Variants in KALRN observed in about 807,000 individuals in gnomAD.
KALRN encodes kalirin.
In KALRN, 70 loss-of-function variants were observed where a neutral mutation model predicts 353.7. The observed-to-expected ratio is 0.20, with a 90% CI of 0.16 to 0.24. The LOEUF (loss-of-function observed/expected upper bound fraction) is 0.24, where lower values mean the gene tolerates loss of function less well. Among genes scored for constraint, KALRN ranks in the 10% least tolerant of loss-of-function variants. The pLI, the probability that KALRN is intolerant of heterozygous loss-of-function variation, is 1.00. For missense variants in KALRN, 2,791 were observed against 3,756.7 expected, an observed-to-expected ratio of 0.74 and a Z score of 6.72; for synonymous variants, 1,391 against 1,434.8, an observed-to-expected ratio of 0.97 and a Z score of 0.69.
chr3:124,325,302 A>G (rs1405362112), intron 6 of KALRN, among the ~76,000 whole-genome samples: 1 of 152,114 alleles, frequency 6.6e-6, no homozygotes, highest in Non-Finnish European at 1.5e-5. Flanking sequence ...AATCTTCCTA[A>G]ATCAAGCAGA....
intron 36 of KALRN, 182 bp from the exon 37 acceptor site, chr3:124,637,026 G>C: frequency 1.7e-6 from 1 of 595,820 alleles, no homozygotes; most frequent in Non-Finnish European, 3.0e-6. Flanking sequence ...TTCCTAATAA[G>C]GGGTTGGGCA....
At chr3:124,666,343 C>A in intron 45 of KALRN, 106 bp from the exon 46 acceptor site, 1 of 1,034,048 alleles carries the variant, frequency 9.7e-7, no homozygotes, top group Non-Finnish European at 1.4e-6. Flanking sequence ...CTTTTGTTGT[C>A]AAATCTGTTG....
At chr3:124,494,577 G>A (rs970189210) in intron 32 of KALRN, among the ~76,000 whole-genome samples, 11 of 152,216 alleles carry the variant, frequency 7.2e-5, no homozygotes, top group Non-Finnish European at 4.4e-5. Flanking sequence ...TCCTATGAAT[G>A]TGTGGCTTAT....
chr3:124,629,030 G>A (rs1007221757), intron 34 of KALRN, among the ~76,000 whole-genome samples: 1 of 152,106 alleles, frequency 6.6e-6, no homozygotes, highest in South Asian at 2.1e-4. Flanking sequence ...TCTTCGAGTA[G>A]GTATGAAAAG....
At chr3:124,618,158 G>C (rs901013264) in intron 34 of KALRN, among the ~76,000 whole-genome samples, 8 of 128,918 alleles carry the variant, frequency 6.2e-5, no homozygotes, top group African/African-American at 2.4e-4. Flanking sequence ...TCCCAGGCTG[G>C]AGTGCAGCGG....
intron 25 of KALRN, among the ~76,000 whole-genome samples, chr3:124,469,047 C>A (rs2060628399): frequency 6.6e-6 from 1 of 152,218 alleles, no homozygotes. Flanking sequence ...TGCTAAACAC[C>A]ACCTTATTGG....
chr3:124,036,814 A>G (rs1577432395), intron 1 of KALRN, among the ~76,000 whole-genome samples: 1 of 152,172 alleles, frequency 6.6e-6, no homozygotes, highest in Non-Finnish European at 1.5e-5. Context: ...GCATGTTTCA[A>G]ATTATTCTGT....
At chr3:124,626,568 T>C (rs950816297) in intron 34 of KALRN, among the ~76,000 whole-genome samples, 1 of 152,208 alleles carries the variant, frequency 6.6e-6, no homozygotes, top group Non-Finnish European at 1.5e-5. Context: ...TTATTTGCAG[T>C]GTCCAGGGAT....
At chr3:124,622,238 T>G (rs1485324371) in intron 34 of KALRN, among the ~76,000 whole-genome samples, 2 of 152,176 alleles carry the variant, frequency 1.3e-5, no homozygotes, top group Non-Finnish European at 2.9e-5. Flanking sequence ...TAGTGGATAT[T>G]AGAAATCTTT....
chr3:124,259,400 G>A (rs1403083060), intron 3 of KALRN, among the ~76,000 whole-genome samples: 6 of 152,198 alleles, frequency 3.9e-5, no homozygotes, highest in Admixed American at 3.9e-4. Flanking sequence ...GGTTAGTAAA[G>A]GGACCCTGGG....
chr3:124,463,268 T>G (rs1193575188), intron 25 of KALRN, among the ~76,000 whole-genome samples: 1 of 152,146 alleles, frequency 6.6e-6, no homozygotes, highest in Non-Finnish European at 1.5e-5. Context: ...CCAATAGAAA[T>G]AACTGTGTTT....
chr3:124,287,778 T>G (rs2076052683), intron 5 of KALRN, among the ~76,000 whole-genome samples: 2 of 3,698 alleles, frequency 5.4e-4, no homozygotes, highest in Non-Finnish European at 1.5e-3. Flanking sequence ...AAGATATATA[T>G]ATATATATAT....
intron 34 of KALRN, among the ~76,000 whole-genome samples, chr3:124,596,422 G>A (rs542060498): frequency 4.6e-5 from 7 of 152,186 alleles, no homozygotes; most frequent in South Asian, 2.1e-4. Flanking sequence ...AGCCAAAATC[G>A]CGCCATTGCA....
intron 33 of KALRN, among the ~76,000 whole-genome samples, chr3:124,513,184 G>A (rs372955049): frequency 6.6e-5 from 10 of 152,300 alleles, no homozygotes; most frequent in South Asian, 2.1e-4. Flanking sequence ...TCAGGGGGTA[G>A]GGGGCTGGGA....
intron 33 of KALRN, among the ~76,000 whole-genome samples, chr3:124,545,079 T>C (rs1215447061): frequency 2.0e-5 from 3 of 152,216 alleles, no homozygotes; most frequent in Non-Finnish European, 1.5e-5. Flanking sequence ...CCAGGAGTGA[T>C]ATCCATGCTT....
chr3:124,439,200 T>TCA (rs376221553), intron 18 of KALRN, among the ~76,000 whole-genome samples, 163 bp downstream of exon 18: 5,137 of 98,850 alleles, frequency 0.052, 141 homozygotes, highest in Non-Finnish European at 0.066. Context: ...TCTCTCTCTC[T>TCA]CACACACACA....
At chr3:124,472,575 ATGTGTGTGTGTGTG>A (rs57265173) in intron 25 of KALRN, among the ~76,000 whole-genome samples, 161 of 148,722 alleles carry the variant, frequency 1.1e-3, no homozygotes, top group African/African-American at 3.8e-3. Context: ...GTGTGTGTAT[ATGTGTGTGTGTGTG>A]TGTGTGTGTG....
chr3:124,161,354 G>A (rs574193641), intron 1 of KALRN, among the ~76,000 whole-genome samples: 22 of 152,292 alleles, frequency 1.4e-4, no homozygotes, highest in African/African-American at 4.8e-4. Context: ...TAATGCTTTT[G>A]GATGGCTCTA....
At chr3:124,171,607 C>T (rs1182456676) in intron 1 of KALRN, among the ~76,000 whole-genome samples, 1 of 152,058 alleles carries the variant, frequency 6.6e-6, no homozygotes, top group Non-Finnish European at 1.5e-5. Context: ...GCAAAATAGA[C>T]CCTACCTCTT....
Sources: gnomAD v4.1 joint callset for allele counts (sites outside exome capture counted in the v4.1 genomes callset) on GRCh38, gnomAD v4.1.1 for gene constraint, MANE v1.5 for transcripts, NCBI Gene and HGNC (gene_info 2026-07-23, HGNC 2026-07-21) for gene names.